The following FGF13 variants were observed in gnomAD, a reference collection of about 807,000 sequenced individuals.
The protein encoded by FGF13 is fibroblast growth factor 13.
A neutral mutation model predicts 19.5 loss-of-function variants in FGF13; 2 were observed. That is an observed-to-expected ratio of 0.10 (90% confidence interval 0.04 to 0.32). The LOEUF is 0.32. Among genes scored for constraint, FGF13 ranks in the 10% least tolerant of loss-of-function variants. The pLI, the probability that FGF13 is intolerant of heterozygous loss-of-function variation, is 1.00. For synonymous variants in FGF13, 72 were observed against 76.9 expected (o/e 0.94, Z 0.33); for missense variants, 113 against 192.7 (o/e 0.59, Z 2.45).
At chrX:138,936,747 G>A (rs1158932255) in intron 1 of FGF13, among the ~76,000 whole-genome samples, 4 of 111,958 alleles carry the variant, frequency 3.6e-5, no homozygotes, top group Non-Finnish European at 1.9e-5. Context: ...ACCTTCTGTG[G>A]GAAAATTTCT....
chrX:138,950,418 T>C (rs943370718), intron 1 of FGF13, among the ~76,000 whole-genome samples: 4 of 112,280 alleles, frequency 3.6e-5, no homozygotes, highest in Non-Finnish European at 3.8e-5. Context: ...AGTGCGTTCA[T>C]ATTCTTTGAA....
chrX:139,177,522 G>A (rs1194686012), intron 1 of FGF13, among the ~76,000 whole-genome samples: 1 of 111,385 alleles, frequency 9.0e-6, no homozygotes, highest in Non-Finnish European at 1.9e-5. Flanking sequence ...AGTGTTGATG[G>A]TCTTTACAAT....
intron 1 of FGF13, among the ~76,000 whole-genome samples, chrX:138,933,591 G>A (rs144349916): frequency 1.6e-4 from 18 of 112,361 alleles, no homozygotes; most frequent in Admixed American, 5.6e-4. Flanking sequence ...ACTTGAGAAG[G>A]AGGTCACTCT....
intron 3 of FGF13, among the ~76,000 whole-genome samples, chrX:138,783,931 A>G (rs1156431297): frequency 9.4e-6 from 1 of 106,318 alleles, no homozygotes; most frequent in African/African-American, 3.4e-5. Flanking sequence ...TCCAACAATG[A>G]TAGACTGGAT....
chrX:138,757,427 G>C (rs1016732646), intron 3 of FGF13, among the ~76,000 whole-genome samples: 2 of 111,141 alleles, frequency 1.8e-5, no homozygotes, highest in Non-Finnish European at 3.8e-5. Flanking sequence ...TGGAACCTCT[G>C]TGAATTTCCA....
chrX:139,115,985 G>GCT (rs2083636945), intron 1 of FGF13, among the ~76,000 whole-genome samples: 1 of 112,229 alleles, frequency 8.9e-6, no homozygotes, highest in Non-Finnish European at 1.9e-5. Context: ...ATCATGAAGG[G>GCT]CTCTTTAGCT....
intron 3 of FGF13, among the ~76,000 whole-genome samples, chrX:138,679,770 G>A (rs1385293117): frequency 9.0e-6 from 1 of 111,669 alleles, no homozygotes; most frequent in Admixed American, 9.5e-5. Flanking sequence ...GATTGATCAG[G>A]ATGGTGGCTA....
At chrX:138,811,802 A>T (rs753228742) in intron 3 of FGF13, among the ~76,000 whole-genome samples, 1 of 110,345 alleles carries the variant, frequency 9.1e-6, no homozygotes, top group African/African-American at 3.3e-5. Flanking sequence ...ATGTTAGTAA[A>T]TGACACCACC....
chrX:138,781,514 T>C (rs1441789603), intron 3 of FGF13, among the ~76,000 whole-genome samples: 1 of 109,246 alleles, frequency 9.2e-6, no homozygotes, highest in Non-Finnish European at 1.9e-5. Flanking sequence ...AAATACAAAC[T>C]ACCATCAGAG....
chrX:139,192,634 A>G (rs2084340660), intron 1 of FGF13, among the ~76,000 whole-genome samples: 1 of 112,096 alleles, frequency 8.9e-6, no homozygotes, highest in African/African-American at 3.2e-5. Context: ...TCTAAGGCTC[A>G]TGCCCAGATA....
chrX:138,990,140 T>G (rs1468027914), intron 1 of FGF13, among the ~76,000 whole-genome samples: 2 of 110,923 alleles, frequency 1.8e-5, no homozygotes, highest in African/African-American at 6.5e-5. Flanking sequence ...GAATGATACC[T>G]TCAGAGCAAG....
Position 138,689,909 on chromosome X carries a change from AC to A in FGF13, c.402+13074del, listed in dbSNP as rs759815919. ...AATTTAATAATCGTTTGACTGAAAT[AC>A]CCTTGTAATGTACATGAGCTTTGAT... On this transcript the variant is annotated intron_variant, in intron 3 of 4. Transcript: ENST00000315930. Among the ~76,000 whole-genome samples the A allele has an allele frequency of 4.5e-5, 5 of 112,236 alleles. No homozygotes were observed. The South Asian group carries it at 1.1e-3, about 25-fold the overall frequency.
At position 139,142,560 on chromosome X, in the gene FGF13, T is replaced by C. The variant is rs779568917; in HGVS notation, c.-113+60856A>G. 3.1e-3 allele frequency among the ~76,000 whole-genome samples: 349 copies of C among 111,451 alleles called. 1 individual carries two copies. Among genetic ancestry groups the C allele is most frequent in the Non-Finnish European group, 5.5e-3 (293 of 53,069 alleles). ...AGTGGTTTTCAATTTCTGGGTACAA[T>C]GTAATGGTTAAGAAAGGCCACCAGC... On this transcript the variant is annotated intron_variant, in intron 1 of 2. Coordinates refer to the FGF13 transcript ENST00000421460.
intron 1 of FGF13, among the ~76,000 whole-genome samples, chrX:139,012,511 T>C (rs1267610821): frequency 9.0e-6 from 1 of 111,576 alleles, no homozygotes; most frequent in Non-Finnish European, 1.9e-5. Flanking sequence ...TCTAGACCAA[T>C]TGAACAGAAA....
At chrX:138,656,058 T>C (rs1215387277) in intron 3 of FGF13, among the ~76,000 whole-genome samples, 1 of 112,388 alleles carries the variant, frequency 8.9e-6, no homozygotes, top group Non-Finnish European at 1.9e-5. Flanking sequence ...AAGTCACAGC[T>C]ATTTCCTGCT....
intron 1 of FGF13, among the ~76,000 whole-genome samples, chrX:139,163,444 T>C (rs2084052769): frequency 9.0e-6 from 1 of 110,826 alleles, no homozygotes; most frequent in Non-Finnish European, 1.9e-5. Flanking sequence ...CTAATGTAGA[T>C]GACAGGTTGA....
chrX:139,034,931 T>C (rs1251901701), intron 1 of FGF13, among the ~76,000 whole-genome samples: 1 of 111,758 alleles, frequency 8.9e-6, no homozygotes, highest in Non-Finnish European at 1.9e-5. Context: ...CAAAAGACAA[T>C]GTTTTCTATA....
intron 1 of FGF13, among the ~76,000 whole-genome samples, chrX:139,031,831 C>T (rs2092227722): frequency 9.0e-6 from 1 of 110,608 alleles, no homozygotes; most frequent in African/African-American, 3.3e-5. Context: ...CACCAGAACT[C>T]CTTGAAATAA....
At chrX:139,177,747 T>C in intron 1 of FGF13, among the ~76,000 whole-genome samples, 1 of 111,490 alleles carries the variant, frequency 9.0e-6, no homozygotes, top group Non-Finnish European at 1.9e-5. Context: ...TTTCTCTCTC[T>C]CTTGCATTCC....
Sources: gnomAD v4.1 joint callset for allele counts (sites outside exome capture counted in the v4.1 genomes callset) on GRCh38, gnomAD v4.1.1 for gene constraint, MANE v1.5 for transcripts, NCBI Gene and HGNC (gene_info 2026-07-23, HGNC 2026-07-21) for gene names.